The following SBK1 variants were observed in gnomAD, a reference collection of about 807,000 sequenced individuals.
SBK1 encodes the protein serine/threonine-protein kinase SBK1.
A neutral mutation model predicts 24.4 loss-of-function variants in SBK1; 11 were observed. The ratio of observed to expected loss-of-function variants is 0.45; its 90% CI spans 0.28 to 0.75. The LOEUF (loss-of-function observed/expected upper bound fraction) is 0.75, where lower values mean the gene tolerates loss of function less well. Among genes scored for constraint, SBK1 ranks in the 30% least tolerant of loss-of-function variants. SBK1 has a pLI of 0.12. For missense variants in SBK1, 467 were observed against 620.5 expected (o/e 0.75, Z 2.63); for synonymous variants, 308 against 284.4 (o/e 1.08, Z -0.83).
At chr16:28,271,240 T>C (rs948297445) in intron 1 of SBK1, among the ~76,000 whole-genome samples, 1 of 151,800 alleles carries the variant, frequency 6.6e-6, no homozygotes, top group Non-Finnish European at 1.5e-5. Flanking sequence ...AAACAAGAAA[T>C]AGTAAACAAG....
chr16:28,316,863 A>G (rs1488487759), intron 1 of SBK1, among the ~76,000 whole-genome samples: 2 of 152,122 alleles, frequency 1.3e-5, no homozygotes, highest in African/African-American at 4.8e-5. Flanking sequence ...TGGGTGACAG[A>G]GCAAGACCCT....
At chr16:28,288,711 C>G (rs1361448594), upstream of SBK1, among the ~76,000 whole-genome samples, 2 of 152,152 alleles carry the variant, frequency 1.3e-5, no homozygotes, top group Non-Finnish European at 2.9e-5. Flanking sequence ...CCTTGTCCTC[C>G]CACTGTAAAA....
chr16:28,310,841 C>T (rs1419239546), intron 1 of SBK1, among the ~76,000 whole-genome samples: 1 of 152,088 alleles, frequency 6.6e-6, no homozygotes, highest in African/African-American at 2.4e-5. Flanking sequence ...GAAGCAGAGG[C>T]CCAGAGCAGT....
At position 28,275,638 on chromosome 16, in the gene SBK1, G is replaced by C. The variant is rs141427137; in HGVS notation, c.257+16136G>C. Among the ~76,000 whole-genome samples, 1,225 of 152,234 alleles carry C rather than the reference G, an allele frequency of 8.0e-3. 18 individuals carry two copies. The highest frequency in any genetic ancestry group is 0.025 in the African/African-American group (1,055 of 41,526). ...CTCATGTCTGTAATTCCAGCACTTTGAGAGGCCAAGGCAGGTGGATCGTTT... is the reference window on the plus strand; with the variant it reads ...CTCATGTCTGTAATTCCAGCACTTTCAGAGGCCAAGGCAGGTGGATCGTTT... On this transcript the variant is annotated intron_variant, in intron 1 of 3. Transcript: ENST00000671413.
chr16:28,317,342 T>C lies in SBK1; in HGVS notation c.-7-43T>C. 2 of 1,497,720 alleles carry C rather than the reference T, an allele frequency of 1.3e-6. No homozygotes were observed. Among genetic ancestry groups the C allele is most frequent in the East Asian group, 2.3e-5 (1 of 44,124 alleles). 92.8% of individuals were successfully genotyped at this position (1,497,720 alleles called of 1,614,324 possible). ...GCAGAGGGGCTGGAGGAGGGGACCC[T>C]TGCCTGATGTCACACTTCATGCTCA... On this transcript the variant is annotated intron_variant, in intron 1 of 3. Coordinates refer to ENST00000341901, the MANE Select transcript of SBK1 (RefSeq NM_001024401.3). The surrounding 1 kb of genome is among the most constrained non-coding windows in gnomAD (Gnocchi z 4.2).
At chr16:28,296,167 T>G (rs1405403652) in intron 1 of SBK1, among the ~76,000 whole-genome samples, 1 of 150,062 alleles carries the variant, frequency 6.7e-6, no homozygotes, top group Non-Finnish European at 1.5e-5. Context: ...CAATCTCGGC[T>G]CGCTGCGACC....
intron 1 of SBK1, among the ~76,000 whole-genome samples, chr16:28,278,545 T>C (rs1187203600): frequency 6.6e-6 from 1 of 152,174 alleles, no homozygotes; most frequent in African/African-American, 2.4e-5. Context: ...TATTCTATTT[T>C]ATTTATTTAT....
chr16:28,298,443 G>A (rs1303841089), intron 1 of SBK1, among the ~76,000 whole-genome samples: 1 of 152,260 alleles, frequency 6.6e-6, no homozygotes, highest in Non-Finnish European at 1.5e-5. Flanking sequence ...TGTGAAGCCA[G>A]TGTCTGAGTG....
At chr16:28,261,245 AAAATGCTTGTTGAATG>A (rs1225101731) in intron 1 of SBK1, among the ~76,000 whole-genome samples, 12 of 152,154 alleles carry the variant, frequency 7.9e-5, no homozygotes, top group Non-Finnish European at 7.4e-5. Flanking sequence ...GTGAACACTC[AAAATGCTTGTTGAATG>A]AATACATGAA....
chr16:28,323,563 A>G lies in SBK1; in HGVS notation c.*2642A>G, dbSNP rs1316344727. ...CGGCTAGAGGGTCTCCACCAGGCCCACTGAACAGAACCCCACGGCTGCCAG... is the reference window on the plus strand; with the variant it reads ...CGGCTAGAGGGTCTCCACCAGGCCCGCTGAACAGAACCCCACGGCTGCCAG... On this transcript the variant is annotated 3_prime_UTR_variant, in exon 4 of 4. Coordinates refer to ENST00000341901, the MANE Select transcript of SBK1 (RefSeq NM_001024401.3). The G allele has an allele frequency of 6.6e-6, 1 of 152,668 alleles. No homozygotes were observed. Among genetic ancestry groups the G allele is most frequent in the Admixed American group, 6.5e-5 (1 of 15,272 alleles). The allele number at this position is 152,668 out of a possible 1,614,324, so 9.5% of individuals were successfully genotyped here.
At chr16:28,312,643 T>C (rs918082633) in intron 1 of SBK1, among the ~76,000 whole-genome samples, 6 of 152,100 alleles carry the variant, frequency 3.9e-5, no homozygotes, top group African/African-American at 1.4e-4. Context: ...CCAGGGCACA[T>C]GTTTAGGTGG....
chr16:28,280,149 ATGTGTGTGTGTGTGTGTGTGTGTATG>A (rs2044523212), intron 1 of SBK1, among the ~76,000 whole-genome samples: 36 of 39,372 alleles, frequency 9.1e-4, no homozygotes, highest in Admixed American at 1.9e-3. Context: ...ATATATATAT[ATGTGTGTGTGTGTGTGTGTGTGTATG>A]TATATATACA....
rs2044826460 is a variant in SBK1, at chr16:28,319,989, C to T, written c.430-87C>T. ...GGGACAGGGTGGGAGGCGAAAACCG[C>T]CTTGCTAGAGAGGGAGCTGGAGGGG... On this transcript the variant is annotated intron_variant, in intron 3 of 3. Coordinates refer to ENST00000341901, the MANE Select transcript of SBK1 (RefSeq NM_001024401.3). This position sits in a 1 kb window ranked among gnomAD's most constrained non-coding sequence, Gnocchi z 4.0. 13 of 1,362,338 alleles carry T rather than the reference C, an allele frequency of 9.5e-6. No individual in the cohort carries two copies. Among genetic ancestry groups the T allele is most frequent in the Non-Finnish European group, 1.2e-5 (13 of 1,044,508 alleles). The allele number at this position is 1,362,338 out of a possible 1,614,324, so 84.4% of individuals were successfully genotyped here.
At position 28,320,778 on chromosome 16, in the gene SBK1, C is replaced by T. The variant is rs1232534370; in HGVS notation, c.1132C>T (p.Pro378Ser). 1.4e-6 allele frequency: 2 copies of T among 1,404,360 alleles called. No individual in the cohort carries two copies. The highest frequency in any genetic ancestry group is 9.3e-7 in the Non-Finnish European group (1 of 1,074,794). 87.0% of individuals were successfully genotyped at this position (1,404,360 alleles called of 1,614,324 possible). Reference protein sequence around the residue: ...PAVGSVPLPVPVPVPVPVPVP... With the variant: ...PAVGSVPLPVSVPVPVPVPVP... ...CGTCGGGTCGGTGCCCTTGCCCGTG[C>T]CGGTGCCGGTGCCAGTGCCCGTGCC... The change falls in exon 4 of 4, where the codon CCG becomes TCG. Residue 378 changes from proline to serine, a missense_variant. This residue lies in a region of SBK1 where 166 missense variants were observed against 146.8 expected (regional missense o/e 1.13). Coordinates refer to ENST00000341901, the MANE Select transcript of SBK1 (RefSeq NM_001024401.3). This position sits in a 1 kb window ranked among gnomAD's most constrained non-coding sequence, Gnocchi z 8.5.
Position 28,277,556 on chromosome 16 carries a change from T to C in SBK1, c.257+18054T>C, listed in dbSNP as rs531161009. ...CGAGCATGGTAGTGCTCGTCTGTAG[T>C]CCTGAGGCAAGAGGATCGCATGAGC... On this transcript the variant is annotated intron_variant, in intron 1 of 3. Transcript: ENST00000671413. 6.6e-5 allele frequency among the ~76,000 whole-genome samples: 10 copies of C among 152,142 alleles called. No individual in the cohort carries two copies. In the South Asian group the frequency reaches 2.1e-3, roughly 32 times the overall value.
At chr16:28,282,712 C>G (rs896359197) in intron 1 of SBK1, among the ~76,000 whole-genome samples, 3 of 152,024 alleles carry the variant, frequency 2.0e-5, no homozygotes, top group African/African-American at 7.2e-5. Context: ...GCAGCCCAGG[C>G]AGCTGTGAAC....
intron 1 of SBK1, among the ~76,000 whole-genome samples, chr16:28,313,233 T>C (rs1485075398): frequency 1.3e-5 from 2 of 151,962 alleles, no homozygotes; most frequent in Non-Finnish European, 2.9e-5. Context: ...AGCTGGAGGC[T>C]TCAGTGAGCC....
chr16:28,260,073 T>G (rs2044387826), intron 1 of SBK1, among the ~76,000 whole-genome samples: 1 of 117,396 alleles, frequency 8.5e-6, no homozygotes, highest in African/African-American at 3.0e-5. Context: ...AATGCATGCA[T>G]GTGTATTTGC....
At chr16:28,306,326 T>A (rs751389297) in intron 1 of SBK1, among the ~76,000 whole-genome samples, 1 of 152,228 alleles carries the variant, frequency 6.6e-6, no homozygotes, top group Non-Finnish European at 1.5e-5. Flanking sequence ...AGATTTCCGA[T>A]GACTTTGAGT....
Sources: gnomAD v4.1 joint callset for allele counts (sites outside exome capture counted in the v4.1 genomes callset) on GRCh38, gnomAD v4.1.1 for gene constraint, gnomAD v4.1.1 regional missense constraint, Gnocchi (gnomAD v3.1) non-coding constraint, MANE v1.5 for transcripts, NCBI Gene and HGNC (gene_info 2026-07-23, HGNC 2026-07-21) for gene names.